BABAM2: variants seen among roughly 807,000 people sequenced by gnomAD.
The protein encoded by BABAM2 is BRISC and BRCA1 A complex member 2.
BABAM2 carries 31 observed loss-of-function variants against 54.7 expected under a neutral mutation model. The observed-to-expected ratio is 0.57, with a 90% CI of 0.43 to 0.77. The LOEUF (loss-of-function observed/expected upper bound fraction) is 0.77. Ranked by LOEUF, BABAM2 falls within the 30% of genes least tolerant of loss-of-function variation. The pLI is 0.00. For missense variants in BABAM2, 364 were observed against 455.8 expected, an observed-to-expected ratio of 0.80 and a Z score of 1.83; for synonymous variants, 167 against 162.9, an observed-to-expected ratio of 1.03 and a Z score of -0.19.
rs371022252 is a variant in BABAM2 at position 28,337,773 on chromosome 2, C to T, written c.1089-677C>T. Among the ~76,000 whole-genome samples the T allele has an allele frequency of 1.1e-4, 16 of 152,280 alleles. No homozygotes were observed. In the East Asian group the frequency reaches 1.5e-3, roughly 15 times the overall value. On this transcript the variant is annotated intron_variant, in intron 11 of 11. Transcript: ENST00000379624. The stretch of plus-strand genomic sequence containing the variant: ...GCCGAGGCAGGAGGATCCCTTGAGG[C>T]CAGGAGTTTGAGACCAGTCTGGGTA...
chr2:28,022,816 G>A (rs892395687), intron 4 of BABAM2, among the ~76,000 whole-genome samples: 6 of 152,150 alleles, frequency 3.9e-5, no homozygotes, highest in African/African-American at 1.4e-4. Flanking sequence ...GCATTTTTCT[G>A]TATCTCCTAC....
intron 7 of BABAM2, among the ~76,000 whole-genome samples, chr2:28,152,342 C>G (rs1672131277): frequency 6.6e-6 from 1 of 152,198 alleles, no homozygotes; most frequent in Admixed American, 6.5e-5. Flanking sequence ...AGCTTCTCAG[C>G]TCTTGCTGGT....
intron 6 of BABAM2, among the ~76,000 whole-genome samples, chr2:28,048,670 T>C (rs1346738425): frequency 1.3e-5 from 2 of 152,212 alleles, no homozygotes; most frequent in Non-Finnish European, 2.9e-5. Context: ...GTCTTATGTC[T>C]GTTCCACTGG....
At chr2:27,903,225 C>CT (rs1215468696) in intron 2 of BABAM2, among the ~76,000 whole-genome samples, 2 of 152,126 alleles carry the variant, frequency 1.3e-5, no homozygotes, top group Non-Finnish European at 2.9e-5. Context: ...GTCAGCCTCA[C>CT]TGTCCTTGTG....
chr2:27,999,590 G>A (rs1001630259), intron 4 of BABAM2, among the ~76,000 whole-genome samples: 4 of 152,226 alleles, frequency 2.6e-5, no homozygotes, highest in African/African-American at 9.6e-5. Flanking sequence ...ACAGCCTTAG[G>A]TTTTGTTTTC....
intron 7 of BABAM2, among the ~76,000 whole-genome samples, chr2:28,221,518 G>A (rs1420762806): frequency 3.3e-5 from 5 of 152,242 alleles, no homozygotes; most frequent in East Asian, 3.9e-4. Context: ...CTATTCTGCA[G>A]CTTGCATTTT....
At chr2:28,201,775 T>A (rs766203254) in intron 7 of BABAM2, among the ~76,000 whole-genome samples, 1 of 152,154 alleles carries the variant, frequency 6.6e-6, no homozygotes, top group Non-Finnish European at 1.5e-5. Context: ...TTAAGACTTA[T>A]AAAGACGCTG....
intron 4 of BABAM2, among the ~76,000 whole-genome samples, chr2:28,003,143 G>T (rs769371563): frequency 4.1e-4 from 63 of 152,156 alleles, no homozygotes; most frequent in Non-Finnish European, 8.8e-4. Flanking sequence ...TGGGAGTGGG[G>T]AAGTGAGTGA....
chr2:27,890,190 TG>T, upstream of BABAM2: 1 of 1,498,320 alleles, frequency 6.7e-7, no homozygotes, highest in Non-Finnish European at 9.2e-7. This position sits in a 1 kb window ranked among gnomAD's most constrained non-coding sequence, Gnocchi z 4.8. Flanking sequence ...AAAGCTCCAC[TG>T]GGCGCATAGC....
chr2:28,186,595 GAC>G (rs1676302931), intron 7 of BABAM2, among the ~76,000 whole-genome samples: 1 of 151,660 alleles, frequency 6.6e-6, no homozygotes, highest in Admixed American at 6.6e-5. Context: ...TCTCAAAAAA[GAC>G]ACAGAGACAG....
At chr2:28,241,014 G>C (rs1682374922) in intron 8 of BABAM2, among the ~76,000 whole-genome samples, 1 of 152,004 alleles carries the variant, frequency 6.6e-6, no homozygotes, top group African/African-American at 2.4e-5. Flanking sequence ...TAAATTTGTT[G>C]GGTACAATAA....
Position 28,141,176 on chromosome 2 carries a change from C to T in BABAM2, c.680+11796C>T, listed in dbSNP as rs568601575. ...TGTGGATTTTGGGGGCATAAATATT[C>T]GGTTCATAACATACACATATATGTA... On this transcript the variant is annotated intron_variant, in intron 7 of 11. Transcript: ENST00000379624. Among the ~76,000 whole-genome samples, 72 of 152,174 alleles carry T rather than the reference C, an allele frequency of 4.7e-4. 1 individual carries two copies. In the South Asian group the frequency reaches 0.015, roughly 31 times the overall value.
chr2:28,019,181 C>T (rs1323916585), intron 4 of BABAM2, among the ~76,000 whole-genome samples: 5 of 152,222 alleles, frequency 3.3e-5, no homozygotes, highest in Non-Finnish European at 7.3e-5. Context: ...GACATGAACT[C>T]ATCCTGTTTT....
chr2:28,003,729 A>T (rs554887517), intron 4 of BABAM2, among the ~76,000 whole-genome samples: 5 of 152,234 alleles, frequency 3.3e-5, no homozygotes, highest in Non-Finnish European at 7.3e-5. Context: ...TGCAGGATCT[A>T]TGTATTTATT....
chr2:27,995,684 A>G lies in BABAM2; in HGVS notation c.300+7597A>G, dbSNP rs1450942906. Among the ~76,000 whole-genome samples, 1 of 152,158 alleles carries G rather than the reference A, an allele frequency of 6.6e-6. No homozygotes were observed. Among genetic ancestry groups the G allele is most frequent in the Non-Finnish European group, 1.5e-5 (1 of 68,000 alleles). ...AAGCTCCGCCTCCCGGGTTCACGCC[A>G]TTCTCCTGCCTCAGCCTCCCGAGTA... On this transcript the variant is annotated intron_variant, in intron 4 of 11. Transcript: ENST00000379624. The surrounding 1 kb of genome is among the most constrained non-coding windows in gnomAD (Gnocchi z 4.1).
chr2:28,026,899 T>G (rs1378062229), intron 5 of BABAM2, among the ~76,000 whole-genome samples: 2 of 51,020 alleles, frequency 3.9e-5, no homozygotes, highest in African/African-American at 7.3e-5. Flanking sequence ...TATATATAAA[T>G]ATATATAAAT....
chr2:27,908,439 T>C (rs1452271271), intron 2 of BABAM2, among the ~76,000 whole-genome samples: 1 of 152,042 alleles, frequency 6.6e-6, no homozygotes, highest in Non-Finnish European at 1.5e-5. Flanking sequence ...ACCTGGCTAA[T>C]TTTTTGTATT....
intron 9 of BABAM2, among the ~76,000 whole-genome samples, chr2:28,243,456 C>T (rs1048362887): frequency 2.0e-5 from 3 of 151,458 alleles, no homozygotes; most frequent in South Asian, 2.1e-4. Flanking sequence ...CTCTTGAACC[C>T]GGGAGGCGGA....
At chr2:28,093,568 G>T (rs1050986920) in intron 6 of BABAM2, among the ~76,000 whole-genome samples, 27 of 152,108 alleles carry the variant, frequency 1.8e-4, no homozygotes, top group South Asian at 8.3e-4. Context: ...CGGCTACGAC[G>T]TATACCTGTA....
Sources: gnomAD v4.1 joint callset for allele counts (sites outside exome capture counted in the v4.1 genomes callset) on GRCh38, gnomAD v4.1.1 for gene constraint, Gnocchi (gnomAD v3.1) non-coding constraint, MANE v1.5 for transcripts, NCBI Gene and HGNC (gene_info 2026-07-23, HGNC 2026-07-21) for gene names.